DBF4B: variants seen among roughly 807,000 people sequenced by gnomAD.
DBF4B encodes the protein DBF4B-CDC7 kinase regulatory subunit.
A neutral mutation model predicts 53.4 loss-of-function variants in DBF4B; 49 were observed. The observed-to-expected ratio is 0.92, with a 90% CI of 0.73 to 1.16. The LOEUF (loss-of-function observed/expected upper bound fraction) is 1.16. Ranked by LOEUF, DBF4B falls within the 50% of genes most tolerant of loss-of-function variation. The probability of loss-of-function intolerance (pLI) is 0.00; values close to 1 mark genes in which losing one functional copy is unlikely to be tolerated. For missense variants in DBF4B, 692 were observed against 775.0 expected, an observed-to-expected ratio of 0.89 and a Z score of 1.27; for synonymous variants, 257 against 288.7, an observed-to-expected ratio of 0.89 and a Z score of 1.11.
chr17:44,730,243 C>A, intron 4 of DBF4B, 147 bp downstream of exon 4: 2 of 964,808 alleles, frequency 2.1e-6, no homozygotes, highest in Non-Finnish European at 3.0e-6. Flanking sequence ...TTTATCATAG[C>A]TCTGGATCTA....
At chr17:44,730,134 A>C in intron 4 of DBF4B, 38 bp downstream of exon 4, 1 of 1,596,092 alleles carries the variant, frequency 6.3e-7, no homozygotes, top group South Asian at 1.1e-5. Context: ...CTGTGTAAAC[A>C]AAGGAAGTAG....
chr17:44,725,684 C>CTTCTT (rs777349094), intron 3 of DBF4B, among the ~76,000 whole-genome samples: 7 of 87,662 alleles, frequency 8.0e-5, no homozygotes, highest in African/African-American at 3.4e-4. Context: ...TTTTGTGCTT[C>CTTCTT]TTTTTTTTTT....
At chr17:44,722,197 C>T in intron 2 of DBF4B, among the ~76,000 whole-genome samples, 1 of 151,740 alleles carries the variant, frequency 6.6e-6, no homozygotes. Context: ...AATATGGGCT[C>T]ATTCACTCTC....
At chr17:44,735,067 T>C (rs531693133) in intron 7 of DBF4B, among the ~76,000 whole-genome samples, 1 of 151,948 alleles carries the variant, frequency 6.6e-6, no homozygotes, top group Non-Finnish European at 1.5e-5. Flanking sequence ...ACCACTGCAC[T>C]CCAGCCTAGG....
intron 7 of DBF4B, among the ~76,000 whole-genome samples, chr17:44,735,464 G>A (rs1291234737): frequency 6.6e-6 from 1 of 152,136 alleles, no homozygotes; most frequent in African/African-American, 2.4e-5. Context: ...CTTGAGGTCG[G>A]GAGTTTGAGA....
At chr17:44,737,420 A>G (rs961043588) in intron 8 of DBF4B, among the ~76,000 whole-genome samples, 4 of 152,168 alleles carry the variant, frequency 2.6e-5, no homozygotes, top group Non-Finnish European at 5.9e-5. Context: ...AAATTCAAGG[A>G]AGTCTGTAGG....
chr17:44,751,135 C>T lies in DBF4B; in HGVS notation c.1730C>T (p.Ala577Val). The T allele has an allele frequency of 6.2e-7, 1 of 1,614,066 alleles. No homozygotes were observed. The highest frequency in any genetic ancestry group is 8.5e-7 in the Non-Finnish European group (1 of 1,179,972). ...IPRTSHPCTL[A>V]FPSYLNDHDL... The stretch of plus-strand genomic sequence containing the variant: ...CGAACCTCACATCCGTGTACCCTTG[C>T]CTTCCCCTCCTATCTCAATGATCAT... The change falls in exon 14 of 14, where the codon GCC becomes GTC. Residue 577 changes from alanine (A) to valine (V), a missense_variant. This residue lies in a region of DBF4B where 597 missense variants were observed against 665.8 expected (regional missense o/e 0.90). Transcript: ENST00000315005.
intron 2 of DBF4B, among the ~76,000 whole-genome samples, chr17:44,713,133 G>A (rs1156896586): frequency 3.4e-5 from 5 of 145,142 alleles, no homozygotes; most frequent in Admixed American, 1.4e-4. Context: ...TCCGCCTCCC[G>A]GGTTCATGCC....
At chr17:44,739,660 A>G (rs1413593536) in intron 9 of DBF4B, among the ~76,000 whole-genome samples, 1 of 152,256 alleles carries the variant, frequency 6.6e-6, no homozygotes, top group Non-Finnish European at 1.5e-5. Flanking sequence ...CAGCCTCAGT[A>G]TCTGCACTGC....
At chr17:44,734,475 G>A (rs1285808246) in intron 7 of DBF4B, among the ~76,000 whole-genome samples, 3 of 152,214 alleles carry the variant, frequency 2.0e-5, no homozygotes, top group Non-Finnish European at 4.4e-5. Flanking sequence ...AATGCCCATG[G>A]CACTGACCAG....
rs76113315 is a variant in DBF4B at position 44,749,522 on chromosome 17, C to T, written c.1189+1057C>T. 4,232 of 1,250,438 alleles carry T rather than the reference C, an allele frequency of 3.4e-3. 13 individuals carry two copies. The highest frequency in any genetic ancestry group is 3.6e-3 in the Non-Finnish European group (3,523 of 968,592). 77.5% of individuals were successfully genotyped at this position (1,250,438 alleles called of 1,614,324 possible). A position where few individuals can be genotyped will look rare whatever the true frequency, so the allele number is the denominator to read the frequency against. On this transcript the variant is annotated intron_variant, in intron 13 of 13. Transcript: ENST00000315005. The surrounding 1 kb of genome is among the most constrained non-coding windows in gnomAD (Gnocchi z 4.4). ...AGCAAGCAGCTGTCACGCTCAGCTC[C>T]ATGGAGCTGACAGAGCCACCCCTCC...
chr17:44,740,662 G>A (rs748873519), intron 9 of DBF4B, among the ~76,000 whole-genome samples: 38 of 152,214 alleles, frequency 2.5e-4, no homozygotes, highest in Non-Finnish European at 1.5e-4. Flanking sequence ...GGGAAGGTGG[G>A]GAAAAGTAGA....
chr17:44,727,098 C>CAAAA (rs60326279), intron 3 of DBF4B, among the ~76,000 whole-genome samples: 2 of 49,512 alleles, frequency 4.0e-5, no homozygotes, highest in African/African-American at 8.1e-5. Context: ...GACTCCATCT[C>CAAAA]AAAAAAAAAA....
rs919609084 is a variant in DBF4B, at chr17:44,723,119, T to C, written c.225+97T>C. 19 of 1,490,924 alleles carry C rather than the reference T, an allele frequency of 1.3e-5. No individual in the cohort carries two copies. In the Middle Eastern group the frequency reaches 9.8e-4, roughly 77 times the overall value. 92.4% of individuals were successfully genotyped at this position (1,490,924 alleles called of 1,614,324 possible). ...ATATCTATGGTTTCCAAGTATTTTC[T>C]TTTTTGAGACAGAGTCTTGCTCTAT... On this transcript the variant is annotated intron_variant, in intron 3 of 13. Coordinates refer to ENST00000315005, the MANE Select transcript of DBF4B (RefSeq NM_145663.3).
chr17:44,738,882 G>A (rs149585065), intron 9 of DBF4B, among the ~76,000 whole-genome samples: 177 of 152,296 alleles, frequency 1.2e-3, no homozygotes, highest in African/African-American at 4.0e-3. Flanking sequence ...AGGCCACCCT[G>A]TACTTGATAA....
At position 44,749,145 on chromosome 17, in the gene DBF4B, C is replaced by T; in HGVS notation, c.1189+680C>T. 8 of 1,289,754 alleles carry T rather than the reference C, an allele frequency of 6.2e-6. No individual in the cohort carries two copies. The highest frequency in any genetic ancestry group is 8.1e-6 in the Non-Finnish European group (8 of 988,846). 79.9% of individuals were successfully genotyped at this position (1,289,754 alleles called of 1,614,324 possible). A position where few individuals can be genotyped will look rare whatever the true frequency, so the allele number is the denominator to read the frequency against. On this transcript the variant is annotated intron_variant, in intron 13 of 13. Coordinates refer to ENST00000315005, the MANE Select transcript of DBF4B (RefSeq NM_145663.3). The surrounding 1 kb of genome is among the most constrained non-coding windows in gnomAD (Gnocchi z 4.4). ...AGCCCTCGGGAGCACCTGTAGAGAG[C>T]AGGTCTACCTCCCTCCTGCAGCCCC...
At chr17:44,727,409 ACT>A (rs1217724883) in intron 3 of DBF4B, among the ~76,000 whole-genome samples, 3 of 152,006 alleles carry the variant, frequency 2.0e-5, no homozygotes, top group Non-Finnish European at 2.9e-5. Flanking sequence ...ACAGAGCAAG[ACT>A]CTGTCTCAAA....
chr17:44,744,764 A>G (rs531584516), intron 10 of DBF4B, among the ~76,000 whole-genome samples: 79 of 152,332 alleles, frequency 5.2e-4, no homozygotes, highest in Non-Finnish European at 9.6e-4. Context: ...GACCTCCAGT[A>G]TAACAGATTA....
At chr17:44,725,728 A>G (rs1266883969) in intron 3 of DBF4B, among the ~76,000 whole-genome samples, 1 of 107,954 alleles carries the variant, frequency 9.3e-6, no homozygotes, top group Non-Finnish European at 2.1e-5. Flanking sequence ...ACTCAGTCAC[A>G]GAGGCTAGAA....
Sources: gnomAD v4.1 joint callset for allele counts (sites outside exome capture counted in the v4.1 genomes callset) on GRCh38, gnomAD v4.1.1 for gene constraint, gnomAD v4.1.1 regional missense constraint, Gnocchi (gnomAD v3.1) non-coding constraint, MANE v1.5 for transcripts, NCBI Gene and HGNC (gene_info 2026-07-23, HGNC 2026-07-21) for gene names.